The following MYH10 variants were observed in gnomAD, a reference collection of about 807,000 sequenced individuals.
The protein encoded by MYH10 is myosin-10.
MYH10 carries 55 observed loss-of-function variants against 257.8 expected under a neutral mutation model. The ratio of observed to expected loss-of-function variants is 0.21; its 90% CI spans 0.17 to 0.27. MYH10 has a LOEUF of 0.27. Among genes scored for constraint, MYH10 ranks in the 10% least tolerant of loss-of-function variants. MYH10 has a pLI of 1.00. For missense variants in MYH10, 1,631 were observed against 2,500.6 expected, an observed-to-expected ratio of 0.65 and a Z score of 7.42; for synonymous variants, 854 against 921.7, an observed-to-expected ratio of 0.93 and a Z score of 1.33.
intron 3 of MYH10, among the ~76,000 whole-genome samples, chr17:8,599,067 T>C (rs1281234016): frequency 2.0e-5 from 3 of 152,210 alleles, no homozygotes; most frequent in Admixed American, 6.5e-5. Context: ...AAAAGCCACA[T>C]AGATGAGTGA....
At chr17:8,613,345 A>T (rs2085118106) in intron 2 of MYH10, among the ~76,000 whole-genome samples, 2 of 152,244 alleles carry the variant, frequency 1.3e-5, no homozygotes. Context: ...GTAATGGATA[A>T]AACTAAATGA....
chr17:8,585,273 TGC>T (rs2083863456), intron 4 of MYH10, among the ~76,000 whole-genome samples: 1 of 135,208 alleles, frequency 7.4e-6, no homozygotes, highest in Non-Finnish European at 1.6e-5. Context: ...TATATATATG[TGC>T]ATGTGTGTGT....
At chr17:8,622,524 T>C (rs770403028) in intron 2 of MYH10, among the ~76,000 whole-genome samples, 42 of 152,330 alleles carry the variant, frequency 2.8e-4, no homozygotes, top group Non-Finnish European at 8.8e-5. Flanking sequence ...ACTTTACTCT[T>C]GGGTATGCAC....
At chr17:8,601,371 C>T (rs1422355268) in intron 3 of MYH10, among the ~76,000 whole-genome samples, 7 of 152,144 alleles carry the variant, frequency 4.6e-5, no homozygotes, top group Non-Finnish European at 8.8e-5. Flanking sequence ...ATGAGAAGCC[C>T]GATGCTACTG....
chr17:8,568,696 T>C (rs902138828), intron 7 of MYH10, among the ~76,000 whole-genome samples: 1 of 152,042 alleles, frequency 6.6e-6, no homozygotes, highest in Non-Finnish European at 1.5e-5. Context: ...TTGATGACCA[T>C]AATCCAGGGC....
intron 2 of MYH10, among the ~76,000 whole-genome samples, chr17:8,620,991 A>G (rs1163135247): frequency 1.3e-5 from 2 of 152,190 alleles, no homozygotes; most frequent in African/African-American, 4.8e-5. Flanking sequence ...AAATCTCTGA[A>G]TTATGTGGAA....
intron 13 of MYH10, among the ~76,000 whole-genome samples, chr17:8,542,749 C>T (rs1166699859): frequency 2.0e-5 from 3 of 152,206 alleles, no homozygotes; most frequent in Non-Finnish European, 4.4e-5. Flanking sequence ...TTCTGTCCCA[C>T]TCCACTGTCA....
intron 4 of MYH10, among the ~76,000 whole-genome samples, chr17:8,578,904 A>C (rs144284258): frequency 1.3e-5 from 2 of 152,332 alleles, no homozygotes; most frequent in African/African-American, 4.8e-5. Context: ...TACCTTGCCA[A>C]CGAATAATCC....
intron 42 of MYH10, 84 bp from the exon 43 acceptor site, chr17:8,476,032 G>A: frequency 9.6e-6 from 14 of 1,463,392 alleles, no homozygotes; most frequent in Non-Finnish European, 1.3e-5. Flanking sequence ...CAATGCCACG[G>A]AACCTTCCCC....
rs937571130 is a variant in MYH10, at chr17:8,477,675, CTGAA to C, written c.5707-631_5707-628del. 9.9e-5 allele frequency among the ~76,000 whole-genome samples: 15 copies of C among 152,160 alleles called. No homozygotes were observed. Among genetic ancestry groups the C allele is most frequent in the African/African-American group, 2.9e-4 (12 of 41,446 alleles). ...GGGAAGGGAAGGCCAGGTTGCCTGA[CTGAA>C]TGAATGAAGTTGGGGAGGGTTCGGG... On this transcript the variant is annotated intron_variant, in intron 41 of 42. Coordinates refer to ENST00000360416, the MANE Select transcript of MYH10 (RefSeq NM_001256012.3). The surrounding 1 kb of genome is among the most constrained non-coding windows in gnomAD (Gnocchi z 4.2).
At chr17:8,563,935 G>C (rs534736239) in intron 7 of MYH10, among the ~76,000 whole-genome samples, 5 of 150,794 alleles carry the variant, frequency 3.3e-5, no homozygotes, top group Admixed American at 6.6e-5. Context: ...TAAAAGGAAA[G>C]AAAAGAAGGA....
At chr17:8,498,350 T>C (rs1028195553) in intron 30 of MYH10, among the ~76,000 whole-genome samples, 1 of 152,152 alleles carries the variant, frequency 6.6e-6, no homozygotes, top group Non-Finnish European at 1.5e-5. Context: ...CAGGAGGTCC[T>C]GGATGTAATC....
At chr17:8,581,995 T>C (rs182270603) in intron 4 of MYH10, among the ~76,000 whole-genome samples, 9 of 152,328 alleles carry the variant, frequency 5.9e-5, no homozygotes, top group East Asian at 5.8e-4. Flanking sequence ...ACTGAGATAA[T>C]GCGGGAAAGG....
At chr17:8,585,271 TGTGC>T (rs2083863337) in intron 4 of MYH10, among the ~76,000 whole-genome samples, 1 of 135,218 alleles carries the variant, frequency 7.4e-6, no homozygotes, top group Non-Finnish European at 1.6e-5. Flanking sequence ...TGTATATATA[TGTGC>T]ATGTGTGTGT....
At position 8,480,391 on chromosome 17, in the gene MYH10, G is replaced by A. The variant is rs764432530; in HGVS notation, c.5388+11C>T. Reference sequence around the variant, plus strand: ...AGCCCTCCCTGGGTGACGGGCTCCTGCATGGGCCACCTGTAGAGTGGTCTT... The same window carrying A: ...AGCCCTCCCTGGGTGACGGGCTCCTACATGGGCCACCTGTAGAGTGGTCTT... On this transcript the variant is annotated intron_variant, in intron 39 of 42. Transcript: ENST00000360416. 6.2e-7 allele frequency: 1 copy of A among 1,613,240 alleles called. No individual in the cohort carries two copies. The highest frequency in any genetic ancestry group is 8.5e-7 in the Non-Finnish European group (1 of 1,179,802).
intron 28 of MYH10, among the ~76,000 whole-genome samples, chr17:8,503,299 A>AT (rs2080965175): frequency 4.7e-5 from 2 of 42,266 alleles, no homozygotes; most frequent in East Asian, 7.8e-4. Flanking sequence ...AATATAAAAT[A>AT]AAAAATAAAA....
intron 7 of MYH10, among the ~76,000 whole-genome samples, chr17:8,560,034 T>C (rs1379922705): frequency 5.9e-5 from 9 of 152,222 alleles, no homozygotes; most frequent in African/African-American, 2.2e-4. Flanking sequence ...AATCATATGG[T>C]ATCACCTAGT....
Position 8,481,290 on chromosome 17 carries a change from G to A in MYH10, c.5264+32C>T, listed in dbSNP as rs780010338. Reference sequence around the variant, plus strand: ...CTCAGCAGTGCGCGTGCCTGAGGGCGAAGAACCCACCCCCGGCCGTGGGAG... The same window carrying A: ...CTCAGCAGTGCGCGTGCCTGAGGGCAAAGAACCCACCCCCGGCCGTGGGAG... On this transcript the variant is annotated intron_variant, in intron 38 of 42. Transcript: ENST00000360416. The A allele has an allele frequency of 2.5e-5, 41 of 1,608,024 alleles. No individual in the cohort carries two copies. In the Middle Eastern group the frequency reaches 5.0e-4, roughly 20 times the overall value.
chr17:8,519,816 AAAG>A (rs2081590145), intron 19 of MYH10, among the ~76,000 whole-genome samples: 1 of 152,176 alleles, frequency 6.6e-6, no homozygotes, highest in African/African-American at 2.4e-5. Context: ...TTTCCAGAAA[AAAG>A]AAGAAAAAAA....
Sources: gnomAD v4.1 joint callset for allele counts (sites outside exome capture counted in the v4.1 genomes callset) on GRCh38, gnomAD v4.1.1 for gene constraint, Gnocchi (gnomAD v3.1) non-coding constraint, MANE v1.5 for transcripts, NCBI Gene and HGNC (gene_info 2026-07-23, HGNC 2026-07-21) for gene names.